The following POU6F2 variants were observed in gnomAD, a reference collection of about 807,000 sequenced individuals.
The protein encoded by POU6F2 is POU domain, class 6, transcription factor 2.
Under a neutral mutation model 71.3 loss-of-function variants are expected in POU6F2, and 31 were observed. The ratio of observed to expected loss-of-function variants is 0.43; its 90% CI spans 0.33 to 0.59. POU6F2 has a LOEUF of 0.59. Among genes scored for constraint, POU6F2 ranks in the 20% least tolerant of loss-of-function variants. POU6F2 has a pLI of 0.04. For synonymous variants in POU6F2, 347 were observed against 355.7 expected (o/e 0.98, Z 0.27); for missense variants, 783 against 856.8 (o/e 0.91, Z 1.07).
intron 2 of POU6F2, among the ~76,000 whole-genome samples, chr7:39,138,387 A>G (rs1186321885): frequency 6.6e-6 from 1 of 152,204 alleles, no homozygotes; most frequent in Admixed American, 6.5e-5. Flanking sequence ...TCACAGCAGG[A>G]GTAAGCAGTG....
At chr7:39,024,583 C>T (rs1020260725) in intron 1 of POU6F2, among the ~76,000 whole-genome samples, 4 of 152,024 alleles carry the variant, frequency 2.6e-5, no homozygotes, top group Non-Finnish European at 5.9e-5. Flanking sequence ...TGTCTTGTGC[C>T]AGTTTTCAAA....
At chr7:39,181,488 C>T (rs1793433648) in intron 2 of POU6F2, among the ~76,000 whole-genome samples, 1 of 152,186 alleles carries the variant, frequency 6.6e-6, no homozygotes, top group East Asian at 1.9e-4. Flanking sequence ...TCTATTCTCC[C>T]ACCCCAAATA....
At chr7:39,365,392 G>C (rs1786479666) in intron 5 of POU6F2, among the ~76,000 whole-genome samples, 1 of 152,166 alleles carries the variant, frequency 6.6e-6, no homozygotes, top group Non-Finnish European at 1.5e-5. Context: ...ATCAACTCAA[G>C]ATGGATTAAG....
At chr7:39,094,749 A>G (rs926708731) in intron 2 of POU6F2, among the ~76,000 whole-genome samples, 2 of 152,184 alleles carry the variant, frequency 1.3e-5, no homozygotes, top group Non-Finnish European at 2.9e-5. Context: ...TAAAAATGCA[A>G]ATATTTGAAG....
At chr7:39,053,636 G>A (rs541085040) in intron 1 of POU6F2, among the ~76,000 whole-genome samples, 41 of 152,180 alleles carry the variant, frequency 2.7e-4, no homozygotes, top group Admixed American at 1.7e-3. Context: ...GCAAGCATAT[G>A]TTACAGATAA....
intron 7 of POU6F2, among the ~76,000 whole-genome samples, chr7:39,441,440 G>A (rs1409578391): frequency 1.3e-5 from 2 of 151,874 alleles, no homozygotes; most frequent in African/African-American, 2.4e-5. Flanking sequence ...AAAGCAAGAG[G>A]AGCAAGGGAA....
chr7:39,131,749 C>T (rs1190752335), intron 2 of POU6F2, among the ~76,000 whole-genome samples: 2 of 152,150 alleles, frequency 1.3e-5, no homozygotes, highest in African/African-American at 4.8e-5. Flanking sequence ...ATTTTATCTT[C>T]TGATCTTTCT....
chr7:39,307,271 T>G (rs1785064662), intron 4 of POU6F2, among the ~76,000 whole-genome samples: 1 of 152,222 alleles, frequency 6.6e-6, no homozygotes, highest in South Asian at 2.1e-4. Flanking sequence ...TGTATAATTT[T>G]CGGAACTCTC....
intron 2 of POU6F2, among the ~76,000 whole-genome samples, chr7:39,171,790 T>G (rs946623046): frequency 1.3e-5 from 2 of 152,234 alleles, no homozygotes; most frequent in Non-Finnish European, 2.9e-5. Context: ...ATCTGCTCTT[T>G]GAAAATCACT....
chr7:38,996,768 G>A (rs1788750958), intron 1 of POU6F2, among the ~76,000 whole-genome samples: 2 of 152,160 alleles, frequency 1.3e-5, no homozygotes, highest in Non-Finnish European at 2.9e-5. Context: ...TCAAGTTCAA[G>A]CAGGCTTACT....
chr7:39,297,746 T>C (rs1784878622), intron 4 of POU6F2, among the ~76,000 whole-genome samples: 1 of 148,160 alleles, frequency 6.7e-6, no homozygotes, highest in Admixed American at 6.6e-5. Context: ...ACTACCTGAC[T>C]TCAAACTATA....
At chr7:39,339,496 ACT>A in intron 4 of POU6F2, 144 bp from the exon 5 acceptor site, 1 of 1,231,488 alleles carries the variant, frequency 8.1e-7, no homozygotes, top group South Asian at 1.7e-5. Context: ...GCCTCACAAC[ACT>A]CTTAAATACC....
At chr7:39,360,537 G>A (rs1192140429) in intron 5 of POU6F2, among the ~76,000 whole-genome samples, 1 of 152,166 alleles carries the variant, frequency 6.6e-6, no homozygotes, top group African/African-American at 2.4e-5. Flanking sequence ...TATCACGTAG[G>A]GCACTCGTTT....
Position 39,339,878 on chromosome 7 carries a change from C to A in POU6F2, c.835C>A (p.Gln279Lys), listed in dbSNP as rs1350523861. ...GCTGCAACAGGCGCCTCAGCCCCAG[C>A]AGCACCAACCCCACTCCCACTCCCA... ...SQLQQAPQPQ[Q>K]HQPHSHSQNQ... The change falls in exon 5 of 10, where the codon CAG (glutamine) becomes AAG (lysine). Residue 279 changes from glutamine to lysine, a missense_variant. Gln to Lys is a moderately conservative substitution (Grantham distance 53). Transcript: ENST00000518318. The A allele has an allele frequency of 2.0e-5, 33 of 1,613,396 alleles. No homozygotes were observed. The highest frequency in any genetic ancestry group is 2.8e-5 in the Non-Finnish European group (33 of 1,179,580).
intron 5 of POU6F2, among the ~76,000 whole-genome samples, chr7:39,392,575 C>T (rs1787094129): frequency 6.6e-6 from 1 of 152,208 alleles, no homozygotes; most frequent in Admixed American, 6.5e-5. Context: ...GGGTGGACCT[C>T]AGTGTGTATC....
chr7:39,460,857 A>T lies in POU6F2; in HGVS notation c.1658+142A>T. ...AGTTTGGGGGCAGCTATATGTTGGG[A>T]TTGGTGATCTTGATGCAAACGACGC... On this transcript the variant is annotated intron_variant, in intron 9 of 9. Coordinates refer to ENST00000518318, the MANE Select transcript of POU6F2 (RefSeq NM_001370959.1). This position sits in a 1 kb window ranked among gnomAD's most constrained non-coding sequence, Gnocchi z 4.4. 5 of 1,031,398 alleles carry T rather than the reference A, an allele frequency of 4.8e-6. No individual in the cohort carries two copies. Among genetic ancestry groups the T allele is most frequent in the South Asian group, 2.0e-5 (1 of 50,554 alleles). 63.9% of individuals were successfully genotyped at this position (1,031,398 alleles called of 1,614,324 possible).
rs1193686246 is a variant in POU6F2, at chr7:39,460,918, T to G, written c.1658+203T>G. Among the ~76,000 whole-genome samples, 1 of 152,068 alleles carries G rather than the reference T, an allele frequency of 6.6e-6. No homozygotes were observed. The highest frequency in any genetic ancestry group is 1.9e-4 in the East Asian group (1 of 5,178). ...AATTTGGGGGTCCTGGCTTGATAAC[T>G]CCTGTCAACTCACAAAGAACTTCCA... On this transcript the variant is annotated intron_variant, in intron 9 of 9. Coordinates refer to ENST00000518318, the MANE Select transcript of POU6F2 (RefSeq NM_001370959.1). The surrounding 1 kb of genome is among the most constrained non-coding windows in gnomAD (Gnocchi z 4.4).
intron 2 of POU6F2, among the ~76,000 whole-genome samples, chr7:39,156,373 G>GT (rs957704296): frequency 1.3e-5 from 2 of 152,038 alleles, no homozygotes; most frequent in African/African-American, 4.8e-5. Flanking sequence ...AATTTCACAT[G>GT]TTTTTTTCCC....
intron 4 of POU6F2, among the ~76,000 whole-genome samples, chr7:39,291,657 A>G (rs1228675217): frequency 2.6e-5 from 4 of 152,186 alleles, no homozygotes; most frequent in Non-Finnish European, 5.9e-5. Flanking sequence ...CTTTAGAGAG[A>G]GAGGCAGCAC....
Sources: allele counts gnomAD v4.1 joint callset (sites outside exome capture counted in the v4.1 genomes callset), GRCh38; gene constraint gnomAD v4.1.1; non-coding constraint Gnocchi (gnomAD v3.1); transcripts MANE v1.5; gene names NCBI Gene and HGNC (gene_info 2026-07-23, HGNC 2026-07-21).